NEURL1: variants seen among roughly 807,000 people sequenced by gnomAD.
The protein encoded by NEURL1 is neuralized E3 ubiquitin protein ligase 1.
A neutral mutation model predicts 41.2 loss-of-function variants in NEURL1; 26 were observed. That is an observed-to-expected ratio of 0.63 (90% CI 0.46 to 0.87). The LOEUF (loss-of-function observed/expected upper bound fraction) is 0.87. NEURL1 is among the 40% of genes least tolerant of loss of function. The pLI, the probability that NEURL1 is intolerant of heterozygous loss-of-function variation, is 0.00. For synonymous variants in NEURL1, 400 were observed against 402.3 expected (o/e 0.99, Z 0.07); for missense variants, 761 against 871.1 (o/e 0.87, Z 1.59).
In NEURL1 at chr10:103,556,551, C is replaced by A. The variant is rs570097615; in HGVS notation, c.86-14321C>A. On this transcript the variant is annotated intron_variant, in intron 1 of 5. Transcript: ENST00000369780. The surrounding 1 kb of genome is among the most constrained non-coding windows in gnomAD (Gnocchi z 4.4). ...GGCAGCCGCAGCCGGAACTGGTGAC[C>A]AGGTGGCTTCTCCCTTCCAGGCTCT... Among the ~76,000 whole-genome samples, 2 of 152,124 alleles carry A rather than the reference C, an allele frequency of 1.3e-5. No individual in the cohort carries two copies. The highest frequency in any genetic ancestry group is 1.3e-4 in the Admixed American group (2 of 15,272).
At chr10:103,542,985 A>G (rs1358363696) in intron 1 of NEURL1, among the ~76,000 whole-genome samples, 2 of 152,226 alleles carry the variant, frequency 1.3e-5, no homozygotes, top group Admixed American at 6.5e-5. Flanking sequence ...AGGGAAAACG[A>G]CAGACTGGGA....
intron 3 of NEURL1, among the ~76,000 whole-genome samples, chr10:103,579,416 G>T (rs994710809): frequency 1.3e-5 from 2 of 152,172 alleles, no homozygotes; most frequent in East Asian, 3.9e-4. Context: ...CCCAAGGAGG[G>T]TATCTGGGAT....
rs920874549 is a variant in NEURL1 at position 103,531,960 on chromosome 10, C to G, written c.85+37488C>G. Among the ~76,000 whole-genome samples, 7 of 152,278 alleles carry G rather than the reference C, an allele frequency of 4.6e-5. No homozygotes were observed. In the East Asian group the frequency reaches 1.4e-3, roughly 29 times the overall value. ...TATATAATGACCTTGTCTCTATTTA[C>G]CATTTTGACTTAAAGCCTGCTTTAT... On this transcript the variant is annotated intron_variant, in intron 1 of 5. Transcript: ENST00000369780.
rs946533881 is a variant in NEURL1 at position 103,493,719 on chromosome 10, C to T, written c.-669C>T. On this transcript the variant is annotated 5_prime_UTR_variant, in exon 1 of 6. Coordinates refer to ENST00000369780, the MANE Select transcript of NEURL1 (RefSeq NM_004210.5). ...GCGTGTCACTAAGACGCTCATTCAC[C>T]GGCGCAGCTGTCACCATAACAACCG... Among the ~76,000 whole-genome samples, 3 of 152,040 alleles carry T rather than the reference C, an allele frequency of 2.0e-5. No individual in the cohort carries two copies. Among genetic ancestry groups the T allele is most frequent in the African/African-American group, 2.4e-5 (1 of 41,424 alleles).
At chr10:103,569,826 G>A (rs2035499759) in intron 1 of NEURL1, among the ~76,000 whole-genome samples, 1 of 152,172 alleles carries the variant, frequency 6.6e-6, no homozygotes. Context: ...GAGACCCGGG[G>A]GCTCATGCAC....
chr10:103,497,627 A>G (rs1461212410), intron 1 of NEURL1, among the ~76,000 whole-genome samples: 1 of 152,146 alleles, frequency 6.6e-6, no homozygotes, highest in Non-Finnish European at 1.5e-5. Context: ...TCCTGGGAAC[A>G]CACTGACCCC....
chr10:103,555,702 A>G (rs1241039540), intron 1 of NEURL1, among the ~76,000 whole-genome samples: 1 of 144,986 alleles, frequency 6.9e-6, no homozygotes, highest in Non-Finnish European at 1.6e-5. Context: ...TTGTCCTCTT[A>G]CCTCCTTGTC....
chr10:103,530,588 T>C (rs1276116979), intron 1 of NEURL1, among the ~76,000 whole-genome samples: 1 of 151,956 alleles, frequency 6.6e-6, no homozygotes, highest in Non-Finnish European at 1.5e-5. Flanking sequence ...TCACCCAGGC[T>C]GGAGTGCAGT....
At chr10:103,589,410 G>T in intron 4 of NEURL1, 104 bp from the exon 5 acceptor site, 1 of 1,298,716 alleles carries the variant, frequency 7.7e-7, no homozygotes, top group Non-Finnish European at 1.0e-6. Flanking sequence ...CCCTGTGGCT[G>T]GGCTGTGTGG....
At chr10:103,515,665 C>T (rs546373638) in intron 1 of NEURL1, among the ~76,000 whole-genome samples, 2 of 152,352 alleles carry the variant, frequency 1.3e-5, no homozygotes, top group African/African-American at 4.8e-5. Context: ...CCTAGTGAAA[C>T]ATTTAGCTCA....
intron 1 of NEURL1, among the ~76,000 whole-genome samples, chr10:103,500,910 C>G (rs988217459): frequency 2.0e-5 from 3 of 152,168 alleles, no homozygotes; most frequent in African/African-American, 7.2e-5. Flanking sequence ...TCTGGGGCCT[C>G]AGAACAGTCC....
At chr10:103,569,730 G>T (rs957051343) in intron 1 of NEURL1, among the ~76,000 whole-genome samples, 1 of 152,098 alleles carries the variant, frequency 6.6e-6, no homozygotes, top group Non-Finnish European at 1.5e-5. Context: ...AGCCATTCCC[G>T]TCTTGTCTCC....
chr10:103,559,949 C>CATACAT (rs2035252539), intron 1 of NEURL1, among the ~76,000 whole-genome samples: 1 of 151,872 alleles, frequency 6.6e-6, no homozygotes, highest in East Asian at 1.9e-4. Context: ...TGCACACACA[C>CATACAT]GTACATGCAC....
At chr10:103,510,708 TG>T (rs1184622733) in intron 1 of NEURL1, among the ~76,000 whole-genome samples, 1 of 152,202 alleles carries the variant, frequency 6.6e-6, no homozygotes, top group African/African-American at 2.4e-5. Context: ...GAGAAACATC[TG>T]TGTCTATATA....
At chr10:103,567,165 G>A (rs555516322) in intron 1 of NEURL1, among the ~76,000 whole-genome samples, 1 of 151,784 alleles carries the variant, frequency 6.6e-6, no homozygotes, top group Non-Finnish European at 1.5e-5. Flanking sequence ...TGTATTTTTA[G>A]TAGAGACAGG....
rs1690135718 is a variant in NEURL1, at chr10:103,545,461, C to T, written c.86-25411C>T. ...TAGTAGCAGGGGACAGAGTTCCTTCCTGGACTCAGTGGGGATGAGAGCCAC... is the reference window on the plus strand; with the variant it reads ...TAGTAGCAGGGGACAGAGTTCCTTCTTGGACTCAGTGGGGATGAGAGCCAC... On this transcript the variant is annotated intron_variant, in intron 1 of 5. Coordinates refer to ENST00000369780, the MANE Select transcript of NEURL1 (RefSeq NM_004210.5). This position sits in a 1 kb window ranked among gnomAD's most constrained non-coding sequence, Gnocchi z 4.5. 6.6e-6 allele frequency among the ~76,000 whole-genome samples: 1 copy of T among 152,150 alleles called. No individual in the cohort carries two copies.
At chr10:103,582,793 A>G (rs2035808172) in intron 3 of NEURL1, among the ~76,000 whole-genome samples, 1 of 152,218 alleles carries the variant, frequency 6.6e-6, no homozygotes, top group Admixed American at 6.5e-5. Context: ...GAGAAGGCCC[A>G]AAGGAAGGGA....
intron 1 of NEURL1, among the ~76,000 whole-genome samples, chr10:103,542,164 C>T (rs1006917242): frequency 1.3e-5 from 2 of 152,194 alleles, no homozygotes; most frequent in Non-Finnish European, 2.9e-5. Flanking sequence ...GGGTATGGCA[C>T]GCTGGCTGTA....
intron 1 of NEURL1, among the ~76,000 whole-genome samples, chr10:103,522,281 G>GT (rs923011993): frequency 1.7e-4 from 25 of 150,666 alleles, no homozygotes; most frequent in African/African-American, 2.9e-4. Context: ...ATTTTGATGC[G>GT]TTTTTTTTTC....
Sources: allele counts gnomAD v4.1 joint callset (sites outside exome capture counted in the v4.1 genomes callset), GRCh38; gene constraint gnomAD v4.1.1; non-coding constraint Gnocchi (gnomAD v3.1); transcripts MANE v1.5; gene names NCBI Gene and HGNC (gene_info 2026-07-23, HGNC 2026-07-21).